The following ASB1 variants were observed in gnomAD, a reference collection of about 807,000 sequenced individuals.
ASB1 encodes the protein ankyrin repeat and SOCS box protein 1.
In ASB1, 18 loss-of-function variants were observed where a neutral mutation model predicts 27.7. The ratio of observed to expected loss-of-function variants is 0.65; its 90% CI spans 0.45 to 0.96. ASB1 has a LOEUF of 0.96. ASB1 is among the 50% of genes least tolerant of loss of function. The pLI, the probability that ASB1 is intolerant of heterozygous loss-of-function variation, is 0.00. For synonymous variants in ASB1, 189 were observed against 187.6 expected (o/e 1.01, Z -0.06); for missense variants, 397 against 451.7 (o/e 0.88, Z 1.10).
In ASB1 at chr2:238,449,623, G is replaced by C. The variant is rs1702245165; in HGVS notation, c.*3112G>C. The C allele has an allele frequency of 1.3e-5, 2 of 152,222 alleles. No homozygotes were observed. Among genetic ancestry groups the C allele is most frequent in the African/African-American group, 2.4e-5 (1 of 41,434 alleles). The allele number at this position is 152,222 out of a possible 1,614,324, so 9.4% of individuals were successfully genotyped here. On this transcript the variant is annotated 3_prime_UTR_variant, in exon 5 of 5. Coordinates refer to ENST00000264607, the MANE Select transcript of ASB1 (RefSeq NM_001040445.3). ...CCCATCAATATCACCCACATTCTGTGACTCTTTGCATCACTCGTGTTATTT... is the reference window on the plus strand; with the variant it reads ...CCCATCAATATCACCCACATTCTGTCACTCTTTGCATCACTCGTGTTATTT...
At chr2:238,431,667 C>T (rs1701873299) in intron 1 of ASB1, among the ~76,000 whole-genome samples, 1 of 152,152 alleles carries the variant, frequency 6.6e-6, no homozygotes, top group South Asian at 2.1e-4. Context: ...GTTTCTTTAA[C>T]TTGAACACTC....
intron 3 of ASB1, among the ~76,000 whole-genome samples, chr2:238,442,553 T>C (rs958086379): frequency 3.3e-5 from 5 of 152,262 alleles, no homozygotes; most frequent in Non-Finnish European, 5.9e-5. Context: ...TTTGTCATGC[T>C]TATGCTATGC....
At position 238,444,376 on chromosome 2, in the gene ASB1, A is replaced by G; in HGVS notation, c.529A>G (p.Thr177Ala). The G allele has an allele frequency of 6.2e-7, 1 of 1,611,416 alleles. No individual in the cohort carries two copies. The highest frequency in any genetic ancestry group is 8.5e-7 in the Non-Finnish European group (1 of 1,178,164). ...GADVDVNHHL[T>A]PDVQPRFSRR... ...TGATGTTGACGTCAACCACCACCTG[A>G]CTCCTGATGTCCAGCCTCGATTCTC... Residue 177 changes from threonine (T) to alanine (A), a missense_variant, in exon 4 of 5, where the codon ACT becomes GCT. Thr to Ala is a moderately conservative substitution (Grantham distance 58, BLOSUM62 0). Coordinates refer to ENST00000264607, the MANE Select transcript of ASB1 (RefSeq NM_001040445.3).
intron 1 of ASB1, among the ~76,000 whole-genome samples, chr2:238,427,940 T>A (rs1701793893): frequency 6.6e-6 from 1 of 152,232 alleles, no homozygotes; most frequent in East Asian, 1.9e-4. Flanking sequence ...TTCTTAAACA[T>A]CTTAAAAGAT....
chr2:238,431,201 T>C (rs532134319), intron 1 of ASB1, among the ~76,000 whole-genome samples: 2 of 152,298 alleles, frequency 1.3e-5, no homozygotes, highest in Non-Finnish European at 2.9e-5. Context: ...GTCTTCTGGA[T>C]AACTTGCTGC....
At chr2:238,427,853 GTGT>G (rs1218946607) in intron 1 of ASB1, 1 of 152,314 alleles carries the variant, frequency 6.6e-6, no homozygotes, top group Admixed American at 6.5e-5. Flanking sequence ...ATAGTTTCGT[GTGT>G]TCTGGGCTTT....
chr2:238,433,571 T>C lies in ASB1; in HGVS notation c.67T>C (p.Trp23Arg). Residue 23 changes from tryptophan to arginine, a missense_variant, in exon 2 of 5, where the codon TGG becomes CGG. Coordinates refer to ENST00000264607, the MANE Select transcript of ASB1 (RefSeq NM_001040445.3). ...PGSAGRNLKE[W>R]LREQFCDHPL... ...CAGTGCAGGTCGTAATCTGAAGGAG[T>C]GGCTGAGGGAGCAATTTTGTGATCA... 6.2e-7 allele frequency: 1 copy of C among 1,613,790 alleles called. No individual in the cohort carries two copies. Among genetic ancestry groups the C allele is most frequent in the Non-Finnish European group, 8.5e-7 (1 of 1,179,940 alleles).
rs1345780307 is a variant in ASB1 at position 238,447,170 on chromosome 2, T to C, written c.*659T>C. Reference sequence around the variant, plus strand: ...TCAGGTGTCACGATTTTTCTGCCACTTCACCTTAGGGAGCTTCCAGTGATT... The same window carrying C: ...TCAGGTGTCACGATTTTTCTGCCACCTCACCTTAGGGAGCTTCCAGTGATT... On this transcript the variant is annotated 3_prime_UTR_variant, in exon 5 of 5. Transcript: ENST00000264607. 6.5e-6 allele frequency: 1 copy of C among 152,996 alleles called. No individual in the cohort carries two copies. The highest frequency in any genetic ancestry group is 2.4e-5 in the African/African-American group (1 of 41,452). The allele number at this position is 152,996 out of a possible 1,614,324, so 9.5% of individuals were successfully genotyped here. A position where few individuals can be genotyped will look rare whatever the true frequency, so the allele number is the denominator to read the frequency against.
At chr2:238,427,182 G>T in intron 1 of ASB1, 63 bp downstream of exon 1, 1 of 1,165,534 alleles carries the variant, frequency 8.6e-7, no homozygotes, top group Non-Finnish European at 1.1e-6. Flanking sequence ...TGGCTCCGGC[G>T]TCCCTGCCGA....
intron 1 of ASB1, among the ~76,000 whole-genome samples, chr2:238,430,115 G>T (rs977911086): frequency 1.3e-5 from 2 of 152,162 alleles, no homozygotes; most frequent in African/African-American, 4.8e-5. Flanking sequence ...CTTATCGGGG[G>T]CTATGGTAAT....
Position 238,446,609 on chromosome 2 carries a change from G to A in ASB1, c.*98G>A. On this transcript the variant is annotated 3_prime_UTR_variant, in exon 5 of 5. Coordinates refer to ENST00000264607, the MANE Select transcript of ASB1 (RefSeq NM_001040445.3). ...GCTGTGCTGCTGCTGGTCTCCTGAT[G>A]GCTGTTGCTGCAGAAGATGTCCTCG... 1 of 1,481,608 alleles carries A rather than the reference G, an allele frequency of 6.7e-7. No homozygotes were observed. The highest frequency in any genetic ancestry group is 1.7e-5 in the Admixed American group (1 of 59,610). 91.8% of individuals were successfully genotyped at this position (1,481,608 alleles called of 1,614,324 possible).
intron 1 of ASB1, among the ~76,000 whole-genome samples, chr2:238,432,617 G>A (rs72985395): frequency 0.18 from 27,125 of 152,136 alleles, 3,000 homozygotes; most frequent in Non-Finnish European, 0.25. Flanking sequence ...TGTCTTTTTT[G>A]TAGTGAAGGA....
At chr2:238,429,973 A>G (rs1278088620) in intron 1 of ASB1, among the ~76,000 whole-genome samples, 1 of 150,828 alleles carries the variant, frequency 6.6e-6, no homozygotes, top group Non-Finnish European at 1.5e-5. Context: ...TAATACCATT[A>G]TGTCTAAAAA....
At chr2:238,434,177 G>T (rs1701923796) in intron 2 of ASB1, among the ~76,000 whole-genome samples, 1 of 152,184 alleles carries the variant, frequency 6.6e-6, no homozygotes. Flanking sequence ...TACCTCATCA[G>T]CCTTCTCCTT....
Position 238,449,427 on chromosome 2 carries a change from TCC to T in ASB1, c.*2918_*2919del, listed in dbSNP as rs1234776933. 4 of 152,716 alleles carry T rather than the reference TCC, an allele frequency of 2.6e-5. No individual in the cohort carries two copies. The highest frequency in any genetic ancestry group is 4.4e-5 in the Non-Finnish European group (3 of 68,404). The allele number at this position is 152,716 out of a possible 1,614,324, so 9.5% of individuals were successfully genotyped here. A position where few individuals can be genotyped will look rare whatever the true frequency, so the allele number is the denominator to read the frequency against. ...AGCCTGAAGGTTGCCCCTGGTTGCA[TCC>T]CAGAAGCATCTGACTGTCACCACTG... On this transcript the variant is annotated 3_prime_UTR_variant, in exon 5 of 5. Transcript: ENST00000264607.
rs1460364110 is a variant in ASB1, at chr2:238,447,690, A to G, written c.*1179A>G. On this transcript the variant is annotated 3_prime_UTR_variant, in exon 5 of 5. Transcript: ENST00000264607. ...TCGTCATTTGAAGCCCATGAGGACC[A>G]TTGTGTGGATCCATGGTGATTCTAG... is the stretch of plus-strand genomic sequence containing the variant. 3 of 152,222 alleles carry G rather than the reference A, an allele frequency of 2.0e-5. No individual in the cohort carries two copies. The highest frequency in any genetic ancestry group is 2.9e-5 in the Non-Finnish European group (2 of 68,034). 9.4% of individuals were successfully genotyped at this position (152,222 alleles called of 1,614,324 possible). A position where few individuals can be genotyped will look rare whatever the true frequency, so the allele number is the denominator to read the frequency against.
Position 238,451,793 on chromosome 2 carries a change from G to A in ASB1, c.*5282G>A, listed in dbSNP as rs934470042. On this transcript the variant is annotated 3_prime_UTR_variant, in exon 5 of 5. Transcript: ENST00000264607. ...ACTGTTTATTTCAACAGGTGGAAGT[G>A]TTGGTCGTGCGAAATCTTGGTATTC... 1.3e-5 allele frequency: 2 copies of A among 152,628 alleles called. No individual in the cohort carries two copies. The highest frequency in any genetic ancestry group is 4.8e-5 in the African/African-American group (2 of 41,430). 9.5% of individuals were successfully genotyped at this position (152,628 alleles called of 1,614,324 possible). A position where few individuals can be genotyped will look rare whatever the true frequency, so the allele number is the denominator to read the frequency against.
rs1575008212 is a variant in ASB1, at chr2:238,444,392, C to G, written c.545C>G (p.Pro182Arg). The G allele has an allele frequency of 6.2e-7, 1 of 1,613,492 alleles. No individual in the cohort carries two copies. Among genetic ancestry groups the G allele is most frequent in the Non-Finnish European group, 8.5e-7 (1 of 1,179,534 alleles). The change falls in exon 4 of 5, where the codon CCT (proline) becomes CGT (arginine). Residue 182 changes from proline to arginine, a missense_variant. By Grantham distance (103) the Pro-to-Arg change is moderately radical. Transcript: ENST00000264607. ...VNHHLTPDVQ[P>R]RFSRRLTSLV... ...CACCACCTGACTCCTGATGTCCAGC[C>G]TCGATTCTCCCGGCGGCTCACCTCC...
At chr2:238,434,547 G>T (rs1444122453) in intron 2 of ASB1, among the ~76,000 whole-genome samples, 1 of 152,186 alleles carries the variant, frequency 6.6e-6, no homozygotes, top group Non-Finnish European at 1.5e-5. Context: ...CCAAGAAAAG[G>T]ATTTCTAACA....
Sources: allele counts gnomAD v4.1 joint callset (sites outside exome capture counted in the v4.1 genomes callset), GRCh38; gene constraint gnomAD v4.1.1; transcripts MANE v1.5; gene names NCBI Gene and HGNC (gene_info 2026-07-23, HGNC 2026-07-21).